The following RAB38 variants were observed in gnomAD, a reference collection of about 807,000 sequenced individuals.
The protein encoded by RAB38 is ras-related protein Rab-38.
A neutral mutation model predicts 18.4 loss-of-function variants in RAB38; 15 were observed. The ratio of observed to expected loss-of-function variants is 0.82; its 90% CI spans 0.55 to 1.26. RAB38 has a LOEUF of 1.26. Ranked by LOEUF, RAB38 falls within the 50% of genes most tolerant of loss-of-function variation. The pLI is 0.00. For synonymous variants in RAB38, 101 were observed against 104.4 expected (o/e 0.97, Z 0.20); for missense variants, 294 against 267.4 (o/e 1.10, Z -0.69).
chr11:88,057,346 G>T, the RAB38 span, among the ~76,000 whole-genome samples: 4 of 152,124 alleles, frequency 2.6e-5, no homozygotes, highest in East Asian at 7.7e-4. Context: ...ATACATGAAG[G>T]CAAGAGCATG....
chr11:87,843,919 C>G, the RAB38 span, among the ~76,000 whole-genome samples: 1 of 152,196 alleles, frequency 6.6e-6, no homozygotes, highest in Non-Finnish European at 1.5e-5. Context: ...ATTGCACTCA[C>G]TGCCTTTTAA....
chr11:87,910,498 TCTG>T, the RAB38 span, among the ~76,000 whole-genome samples: 1 of 152,110 alleles, frequency 6.6e-6, no homozygotes, highest in Non-Finnish European at 1.5e-5. Context: ...TTTTATGAAT[TCTG>T]CTTTTGATAA....
chr11:87,939,775 C>G, the RAB38 span, among the ~76,000 whole-genome samples: 13 of 151,986 alleles, frequency 8.6e-5, no homozygotes, highest in African/African-American at 2.9e-4. Context: ...GCCTGTATTC[C>G]CAGCTACTCA....
the RAB38 span, among the ~76,000 whole-genome samples, chr11:88,025,852 G>A: frequency 5.9e-5 from 9 of 152,022 alleles, no homozygotes; most frequent in African/African-American, 1.7e-4. Flanking sequence ...AGTTTATTTT[G>A]CTGTGTGGAA....
At chr11:88,062,494 T>C in the RAB38 span, among the ~76,000 whole-genome samples, 4 of 152,202 alleles carry the variant, frequency 2.6e-5, no homozygotes, top group East Asian at 7.7e-4. Flanking sequence ...ACAAATACTG[T>C]CTTAACAATG....
At chr11:87,816,629 C>G in the RAB38 span, 1 of 152,024 alleles carries the variant, frequency 6.6e-6, no homozygotes, top group Non-Finnish European at 1.5e-5. Context: ...AAAACTCTCT[C>G]TATATATATC....
the RAB38 span, among the ~76,000 whole-genome samples, chr11:87,963,648 T>A: frequency 7.0e-6 from 1 of 143,066 alleles, no homozygotes; most frequent in Non-Finnish European, 1.6e-5. Context: ...TATTTCTTTT[T>A]TTCTTTTTTT....
intron 1 of RAB38, among the ~76,000 whole-genome samples, chr11:88,171,174 T>C (rs1346410344): frequency 6.6e-6 from 1 of 152,212 alleles, no homozygotes; most frequent in African/African-American, 2.4e-5. Flanking sequence ...AGGCACAGCT[T>C]TGCATAAATT....
chr11:87,949,829 G>C, the RAB38 span, among the ~76,000 whole-genome samples: 9 of 152,268 alleles, frequency 5.9e-5, no homozygotes, highest in Non-Finnish European at 8.8e-5. Context: ...CAGTTTTGGA[G>C]TAGGTGTGGT....
the RAB38 span, among the ~76,000 whole-genome samples, chr11:87,853,939 G>A: frequency 6.6e-6 from 1 of 152,140 alleles, no homozygotes; most frequent in African/African-American, 2.4e-5. Context: ...TCAGCTGAGG[G>A]TCTTTCCAGT....
At chr11:88,110,147 A>G (rs181729471), downstream of RAB38, among the ~76,000 whole-genome samples, 742 of 152,342 alleles carry the variant, frequency 4.9e-3, 5 homozygotes, top group African/African-American at 0.017. Context: ...GACTGGATAA[A>G]GAAAATGTGG....
chr11:87,825,041 A>G, the RAB38 span, among the ~76,000 whole-genome samples: 1 of 151,928 alleles, frequency 6.6e-6, no homozygotes, highest in Non-Finnish European at 1.5e-5. Flanking sequence ...AGAGAGAGAG[A>G]ATGAATCAAG....
chr11:87,842,046 T>A, the RAB38 span, among the ~76,000 whole-genome samples: 1 of 152,348 alleles, frequency 6.6e-6, no homozygotes, highest in Middle Eastern at 3.4e-3. Context: ...GGTGTAAGAT[T>A]CCGAGACTGA....
chr11:87,806,406 C>A, the RAB38 span, among the ~76,000 whole-genome samples: 16 of 152,240 alleles, frequency 1.1e-4, no homozygotes, highest in African/African-American at 3.6e-4. Flanking sequence ...TCCCTGAGGT[C>A]TCTTTTATAA....
the RAB38 span, among the ~76,000 whole-genome samples, chr11:88,004,246 A>G: frequency 6.7e-6 from 1 of 150,320 alleles, no homozygotes; most frequent in Non-Finnish European, 1.5e-5. Flanking sequence ...TCTTTATTAA[A>G]ACAGCAAATT....
the RAB38 span, among the ~76,000 whole-genome samples, chr11:87,877,794 C>A: frequency 1.3e-5 from 2 of 151,458 alleles, no homozygotes; most frequent in African/African-American, 4.8e-5. Flanking sequence ...GGCTGAAATT[C>A]TCATTTAAGC....
chr11:88,112,880 A>T (rs2134764413), downstream of RAB38, among the ~76,000 whole-genome samples: 1 of 152,114 alleles, frequency 6.6e-6, no homozygotes, highest in South Asian at 2.1e-4. Context: ...AATAATAGCT[A>T]CCTGCACGTG....
the RAB38 span, among the ~76,000 whole-genome samples, chr11:88,070,525 C>G: frequency 6.6e-6 from 1 of 152,126 alleles, no homozygotes; most frequent in Non-Finnish European, 1.5e-5. Context: ...CAGAATTTCC[C>G]CAGGAATTAA....
At chr11:88,116,092 G>A (rs1942547764) in intron 2 of RAB38, among the ~76,000 whole-genome samples, 1 of 152,140 alleles carries the variant, frequency 6.6e-6, no homozygotes, top group South Asian at 2.1e-4. Context: ...CCTCTTCTTA[G>A]TGTCACGTCT....
Sources: gnomAD v4.1 joint callset for allele counts (sites outside exome capture counted in the v4.1 genomes callset) on GRCh38, gnomAD v4.1.1 for gene constraint, MANE v1.5 for transcripts, NCBI Gene and HGNC (gene_info 2026-07-23, HGNC 2026-07-21) for gene names.